Variants in MBD5 observed in about 807,000 individuals in gnomAD.
The protein encoded by MBD5 is methyl-CpG-binding domain protein 5.
MBD5 carries 13 observed loss-of-function variants against 117.3 expected under a neutral mutation model. The ratio of observed to expected loss-of-function variants is 0.11; its 90% confidence interval spans 0.07 to 0.18. The LOEUF (loss-of-function observed/expected upper bound fraction) is 0.18. Among genes scored for constraint, MBD5 ranks in the 10% least tolerant of loss-of-function variants. MBD5 has a pLI of 1.00. For synonymous variants in MBD5, 727 were observed against 766.4 expected (o/e 0.95, Z 0.85); for missense variants, 1,879 against 2,093.8 (o/e 0.90, Z 2.00).
chr2:148,498,728 T>C (rs1251662060), intron 11 of MBD5, among the ~76,000 whole-genome samples: 1 of 152,228 alleles, frequency 6.6e-6, no homozygotes, highest in Non-Finnish European at 1.5e-5. Context: ...AGACTTTAAG[T>C]TTCTTCTGAG....
At chr2:148,128,039 G>A (rs571550114) in intron 1 of MBD5, among the ~76,000 whole-genome samples, 14 of 152,226 alleles carry the variant, frequency 9.2e-5, no homozygotes, top group Non-Finnish European at 1.8e-4. Flanking sequence ...CTTCTTTTGA[G>A]AAGTGTCTGT....
At chr2:148,330,266 C>T (rs1198132968) in intron 3 of MBD5, among the ~76,000 whole-genome samples, 5 of 151,974 alleles carry the variant, frequency 3.3e-5, no homozygotes, top group Non-Finnish European at 7.4e-5. Flanking sequence ...CATCATTGGC[C>T]CTGATTTGGC....
At chr2:148,172,126 A>C (rs1017138450) in intron 1 of MBD5, among the ~76,000 whole-genome samples, 1 of 152,202 alleles carries the variant, frequency 6.6e-6, no homozygotes, top group Admixed American at 6.5e-5. Context: ...CCCTGCAAAG[A>C]ATCCAGCTGC....
At chr2:148,435,250 C>T (rs542027351) in intron 4 of MBD5, among the ~76,000 whole-genome samples, 5 of 152,140 alleles carry the variant, frequency 3.3e-5, no homozygotes, top group African/African-American at 7.2e-5. Context: ...TGGGGCATTT[C>T]GTCCACTTAC....
At chr2:148,047,564 G>A (rs1694566557) in intron 1 of MBD5, among the ~76,000 whole-genome samples, 1 of 152,182 alleles carries the variant, frequency 6.6e-6, no homozygotes, top group African/African-American at 2.4e-5. Flanking sequence ...CTTGATAAAT[G>A]TTTGTGTTTG....
At chr2:148,452,493 T>C (rs1706758194) in intron 4 of MBD5, among the ~76,000 whole-genome samples, 1 of 151,988 alleles carries the variant, frequency 6.6e-6, no homozygotes, top group African/African-American at 2.4e-5. Context: ...GAGTGAGACC[T>C]TGTCTCCAAA....
At chr2:148,470,600 A>C (rs1293519481) in intron 8 of MBD5, 139 bp downstream of exon 8, 2 of 708,550 alleles carry the variant, frequency 2.8e-6, no homozygotes, top group Non-Finnish European at 4.5e-6. Flanking sequence ...TAGTATTTAT[A>C]ATTTTATTTA....
At chr2:148,275,803 T>C (rs183981969) in intron 3 of MBD5, among the ~76,000 whole-genome samples, 5 of 152,218 alleles carry the variant, frequency 3.3e-5, no homozygotes, top group Admixed American at 6.5e-5. Context: ...TTTATTATCT[T>C]AATATGAGTT....
intron 2 of MBD5, among the ~76,000 whole-genome samples, chr2:148,227,030 T>A (rs1245813425): frequency 6.6e-6 from 1 of 152,122 alleles, no homozygotes; most frequent in Non-Finnish European, 1.5e-5. Flanking sequence ...GTCAGATGAG[T>A]AGGTTGCAAA....
rs577918831 is a variant in MBD5, at chr2:148,185,340, G to A, written c.-831+6547G>A. Among the ~76,000 whole-genome samples, 10 of 152,082 alleles carry A rather than the reference G, an allele frequency of 6.6e-5. No individual in the cohort carries two copies. The East Asian group carries it at 1.9e-3, about 29-fold the overall frequency. ...TTTCTTTATATTTCCTATAGGAGTT[G>A]GTCTTTGGAGAGGGAACCAGACAGT... On this transcript the variant is annotated intron_variant, in intron 2 of 13. Coordinates refer to ENST00000642680, the MANE Select transcript of MBD5 (RefSeq NM_001378120.1).
intron 1 of MBD5, among the ~76,000 whole-genome samples, chr2:148,052,206 GTTTTTTT>G (rs70992189): frequency 2.4e-5 from 2 of 83,742 alleles, no homozygotes; most frequent in Non-Finnish European, 4.4e-5. Context: ...CTGTTATTGA[GTTTTTTT>G]TTTTTTTTTT....
intron 4 of MBD5, among the ~76,000 whole-genome samples, chr2:148,424,980 A>G (rs1705730590): frequency 6.6e-6 from 1 of 152,208 alleles, no homozygotes; most frequent in Non-Finnish European, 1.5e-5. Flanking sequence ...AAAAAACTAG[A>G]GAAGCAAGAG....
At chr2:148,036,578 C>T in intron 1 of MBD5, among the ~76,000 whole-genome samples, 1 of 151,952 alleles carries the variant, frequency 6.6e-6, no homozygotes, top group East Asian at 1.9e-4. Flanking sequence ...GGCTGAATAT[C>T]TTTTTTAGCC....
intron 1 of MBD5, among the ~76,000 whole-genome samples, chr2:148,168,881 T>A (rs992441690): frequency 1.3e-5 from 2 of 151,664 alleles, no homozygotes; most frequent in Non-Finnish European, 2.9e-5. Context: ...GGTGCCAATA[T>A]TTGGATGGAA....
chr2:148,363,839 G>A (rs1275512498), intron 4 of MBD5, among the ~76,000 whole-genome samples: 1 of 152,142 alleles, frequency 6.6e-6, no homozygotes, highest in Non-Finnish European at 1.5e-5. Flanking sequence ...AGAAATATGG[G>A]ACTATGTGAA....
intron 4 of MBD5, among the ~76,000 whole-genome samples, chr2:148,453,113 G>A (rs1386225812): frequency 6.6e-6 from 1 of 152,118 alleles, no homozygotes; most frequent in African/African-American, 2.4e-5. Flanking sequence ...AATGGGGAGA[G>A]CTAGTCAATA....
At chr2:148,306,407 A>G (rs1322781639) in intron 3 of MBD5, among the ~76,000 whole-genome samples, 1 of 152,196 alleles carries the variant, frequency 6.6e-6, no homozygotes, top group Non-Finnish European at 1.5e-5. Flanking sequence ...AGCCTTGGTA[A>G]TGTAATCAAT....
chr2:148,477,395 C>CAA (rs1448624300), intron 8 of MBD5, among the ~76,000 whole-genome samples: 1 of 152,106 alleles, frequency 6.6e-6, no homozygotes, highest in Non-Finnish European at 1.5e-5. Context: ...TTGAATAGAA[C>CAA]AAAGTAGCCT....
chr2:148,183,455 A>G (rs1214738251), intron 2 of MBD5, among the ~76,000 whole-genome samples: 1 of 151,998 alleles, frequency 6.6e-6, no homozygotes, highest in East Asian at 1.9e-4. Context: ...GTGTTTCACC[A>G]TTTTCAATAT....
Sources: gnomAD v4.1 joint callset for allele counts (sites outside exome capture counted in the v4.1 genomes callset) on GRCh38, gnomAD v4.1.1 for gene constraint, MANE v1.5 for transcripts, NCBI Gene and HGNC (gene_info 2026-07-23, HGNC 2026-07-21) for gene names.